PRKAR2A: variants seen among roughly 807,000 people sequenced by gnomAD.
The protein encoded by PRKAR2A is cAMP-dependent protein kinase type II-alpha regulatory subunit.
A neutral mutation model predicts 51.9 loss-of-function variants in PRKAR2A; 29 were observed. The ratio of observed to expected loss-of-function variants is 0.56; its 90% confidence interval spans 0.42 to 0.76. The LOEUF is 0.76. PRKAR2A is among the 30% of genes least tolerant of loss of function. The pLI, the probability that PRKAR2A is intolerant of heterozygous loss-of-function variation, is 0.00. For missense variants in PRKAR2A, 445 were observed against 512.1 expected (o/e 0.87, Z 1.26); for synonymous variants, 178 against 186.2 (o/e 0.96, Z 0.36).
chr3:48,812,454 T>C (rs549380825), intron 1 of PRKAR2A, among the ~76,000 whole-genome samples: 1 of 152,042 alleles, frequency 6.6e-6, no homozygotes, highest in African/African-American at 2.4e-5. Context: ...CCTTTATTCA[T>C]TTGGTGTTAC....
intron 1 of PRKAR2A, among the ~76,000 whole-genome samples, chr3:48,844,848 G>A (rs1375844297): frequency 8.5e-6 from 1 of 117,832 alleles, no homozygotes; most frequent in Non-Finnish European, 1.7e-5. Flanking sequence ...GGGGTGGGGG[G>A]AGGGATAGCA....
intron 1 of PRKAR2A, among the ~76,000 whole-genome samples, chr3:48,846,080 T>C (rs934121806): frequency 1.3e-5 from 2 of 152,166 alleles, no homozygotes; most frequent in African/African-American, 2.4e-5. Flanking sequence ...AGGTTTACTA[T>C]TACTAAATGA....
intron 1 of PRKAR2A, among the ~76,000 whole-genome samples, chr3:48,838,957 C>A (rs191956051): frequency 2.0e-5 from 3 of 150,734 alleles, no homozygotes; most frequent in African/African-American, 7.3e-5. Flanking sequence ...GCACTCCAGC[C>A]TGGGCGACAG....
intron 2 of PRKAR2A, among the ~76,000 whole-genome samples, chr3:48,795,598 G>A (rs536637377): frequency 2.6e-5 from 4 of 152,228 alleles, no homozygotes; most frequent in Admixed American, 6.5e-5. Flanking sequence ...GTACAGTGGC[G>A]CAATCTTGGC....
intron 1 of PRKAR2A, among the ~76,000 whole-genome samples, chr3:48,831,994 A>T (rs879855919): frequency 6.6e-6 from 1 of 152,156 alleles, no homozygotes; most frequent in Admixed American, 6.6e-5. Context: ...ATCACATCTT[A>T]AAACTGCTGA....
At chr3:48,829,095 C>G (rs1362477241) in intron 1 of PRKAR2A, among the ~76,000 whole-genome samples, 2 of 151,944 alleles carry the variant, frequency 1.3e-5, no homozygotes, top group Non-Finnish European at 2.9e-5. Context: ...CTTGGCCTTC[C>G]AAAGCGCTGG....
chr3:48,800,156 C>T (rs931994258), intron 2 of PRKAR2A, among the ~76,000 whole-genome samples: 1 of 151,576 alleles, frequency 6.6e-6, no homozygotes, highest in Non-Finnish European at 1.5e-5. Context: ...CCACGTCGGC[C>T]GACAAAGGAG....
intron 1 of PRKAR2A, among the ~76,000 whole-genome samples, chr3:48,820,295 G>A (rs1348307074): frequency 2.0e-5 from 3 of 152,256 alleles, no homozygotes; most frequent in Non-Finnish European, 2.9e-5. Context: ...AATAAGACAC[G>A]GAGTGGGAAG....
At chr3:48,837,888 C>A (rs1353119450) in intron 1 of PRKAR2A, among the ~76,000 whole-genome samples, 1 of 151,810 alleles carries the variant, frequency 6.6e-6, no homozygotes. Flanking sequence ...CGGCAAAAGA[C>A]CACATATTGG....
intron 9 of PRKAR2A, among the ~76,000 whole-genome samples, chr3:48,756,121 T>G (rs1238641358): frequency 6.6e-6 from 1 of 152,196 alleles, no homozygotes; most frequent in Admixed American, 6.6e-5. Context: ...TTTTTCTTAT[T>G]GATTTGTAGG....
intron 1 of PRKAR2A, among the ~76,000 whole-genome samples, chr3:48,808,806 C>T (rs1254168215): frequency 3.3e-5 from 4 of 119,842 alleles, no homozygotes; most frequent in Admixed American, 8.8e-5. Flanking sequence ...CGTGAGCCAC[C>T]GCGCCTGGCC....
chr3:48,819,941 CCTTGTGGGACT>C (rs2107399255), intron 1 of PRKAR2A, among the ~76,000 whole-genome samples: 1 of 152,306 alleles, frequency 6.6e-6, no homozygotes, highest in South Asian at 2.1e-4. Context: ...GATGTGAAGT[CCTTGTGGGACT>C]TCACTCCCAA....
In PRKAR2A at chr3:48,780,202, G is replaced by C. The variant is rs144350162; in HGVS notation, c.542+2784C>G. On this transcript the variant is annotated intron_variant, in intron 5 of 10. Coordinates refer to ENST00000265563, the MANE Select transcript of PRKAR2A (RefSeq NM_004157.4). ...AAAACCTATTCTGTCATTACTTGTA[G>C]AATTTCTGTGTAAGAAGTATTAGCA... 2.8e-3 allele frequency among the ~76,000 whole-genome samples: 424 copies of C among 151,912 alleles called. 3 individuals are homozygous for C. The highest frequency in any genetic ancestry group is 9.5e-3 in the African/African-American group (394 of 41,458).
At chr3:48,781,865 C>T (rs1455158765) in intron 5 of PRKAR2A, among the ~76,000 whole-genome samples, 2 of 151,968 alleles carry the variant, frequency 1.3e-5, no homozygotes, top group African/African-American at 2.4e-5. Flanking sequence ...AGGCTGGTTT[C>T]GAACTCCGGA....
chr3:48,768,266 C>A (rs913384142), intron 6 of PRKAR2A, among the ~76,000 whole-genome samples: 1 of 151,312 alleles, frequency 6.6e-6, no homozygotes, highest in Non-Finnish European at 1.5e-5. Flanking sequence ...TGCACTCCAG[C>A]CTGGCCAACA....
At chr3:48,833,836 G>A (rs1300075439) in intron 1 of PRKAR2A, among the ~76,000 whole-genome samples, 1 of 151,624 alleles carries the variant, frequency 6.6e-6, no homozygotes, top group East Asian at 2.0e-4. Context: ...AGGAGACCAA[G>A]ACCACCCTGG....
rs1188598620 is a variant in PRKAR2A at position 48,752,334 on chromosome 3, A to G, written c.940-17T>C. 6.2e-7 allele frequency: 1 copy of G among 1,612,170 alleles called. No individual in the cohort carries two copies. The highest frequency in any genetic ancestry group is 1.1e-5 in the South Asian group (1 of 90,722). On this transcript the variant is annotated splice_polypyrimidine_tract_variant and intron_variant, in intron 9 of 10. Coordinates refer to ENST00000265563, the MANE Select transcript of PRKAR2A (RefSeq NM_004157.4). ...TGATTTAGTCTACAGCAGGCAAAGA[A>G]CATGACCTAGGCTGACTCCAGGATC...
chr3:48,785,388 G>C (rs1418514885), intron 4 of PRKAR2A, among the ~76,000 whole-genome samples: 1 of 152,038 alleles, frequency 6.6e-6, no homozygotes. Flanking sequence ...AGCCTGCTGA[G>C]TAGCTGGGAT....
chr3:48,846,861 T>C (rs2083471622), intron 1 of PRKAR2A, among the ~76,000 whole-genome samples: 1 of 152,234 alleles, frequency 6.6e-6, no homozygotes, highest in South Asian at 2.1e-4. Context: ...CTGTTAAATG[T>C]AGGTGATGGC....
Sources: allele counts gnomAD v4.1 joint callset (sites outside exome capture counted in the v4.1 genomes callset), GRCh38; gene constraint gnomAD v4.1.1; transcripts MANE v1.5; gene names NCBI Gene and HGNC (gene_info 2026-07-23, HGNC 2026-07-21).